WNT7B: variants seen among roughly 807,000 people sequenced by gnomAD.
WNT7B encodes the protein protein Wnt-7b.
In WNT7B, 19 loss-of-function variants were observed where a neutral mutation model predicts 38.2. That is an observed-to-expected ratio of 0.50 (90% confidence interval 0.35 to 0.73). The LOEUF (loss-of-function observed/expected upper bound fraction) is 0.73, where lower values mean the gene tolerates loss of function less well. Ranked by LOEUF, WNT7B falls within the 30% of genes least tolerant of loss-of-function variation. The pLI is 0.01. For synonymous variants in WNT7B, 243 were observed against 209.3 expected, an observed-to-expected ratio of 1.16 and a Z score of -1.39; for missense variants, 423 against 507.9, an observed-to-expected ratio of 0.83 and a Z score of 1.61.
intron 3 of WNT7B, among the ~76,000 whole-genome samples, chr22:45,930,412 G>A (rs187407524): frequency 1.1e-4 from 16 of 152,362 alleles, no homozygotes; most frequent in African/African-American, 2.4e-4. Flanking sequence ...CCGGCTGGGC[G>A]TTCCACTTGG....
At chr22:45,938,275 G>A (rs1175378218) in intron 2 of WNT7B, among the ~76,000 whole-genome samples, 5 of 152,152 alleles carry the variant, frequency 3.3e-5, no homozygotes, top group Non-Finnish European at 7.4e-5. Context: ...AGTTATTGAG[G>A]TAGAGAGTGG....
At chr22:45,956,502 T>C (rs1283056803) in intron 1 of WNT7B, among the ~76,000 whole-genome samples, 1 of 152,146 alleles carries the variant, frequency 6.6e-6, no homozygotes, top group Non-Finnish European at 1.5e-5. Flanking sequence ...GGTATCCGCG[T>C]CAGCCACTGC....
At chr22:45,972,222 G>A (rs1271791591) in intron 1 of WNT7B, 5 of 649,858 alleles carry the variant, frequency 7.7e-6, no homozygotes, top group Admixed American at 2.4e-5. Context: ...GCGCTGCGCG[G>A]CGACAGTAGA....
chr22:45,928,514 A>C (rs1931168534), intron 3 of WNT7B, among the ~76,000 whole-genome samples: 1 of 150,424 alleles, frequency 6.6e-6, no homozygotes, highest in Non-Finnish European at 1.5e-5. Context: ...CATCCGAGAC[A>C]AGGCTGGTAG....
intron 1 of WNT7B, chr22:45,972,234 G>A (rs1932461842): frequency 1.6e-6 from 1 of 644,104 alleles, no homozygotes; most frequent in African/African-American, 1.9e-5. Context: ...GACAGTAGAA[G>A]CATGGTGGGC....
chr22:45,961,128 G>A (rs1229505894), intron 1 of WNT7B, among the ~76,000 whole-genome samples: 3 of 152,244 alleles, frequency 2.0e-5, no homozygotes, highest in Non-Finnish European at 4.4e-5. Flanking sequence ...TGGAAGGGAC[G>A]CATTGCAGCC....
At chr22:45,947,397 T>C (rs745887249) in intron 2 of WNT7B, among the ~76,000 whole-genome samples, 24 of 152,212 alleles carry the variant, frequency 1.6e-4, no homozygotes, top group Non-Finnish European at 3.4e-4. Context: ...GCTGCAGCCA[T>C]AGGGCAGAGC....
At chr22:45,948,142 C>G (rs1284366654) in intron 2 of WNT7B, among the ~76,000 whole-genome samples, 2 of 152,254 alleles carry the variant, frequency 1.3e-5, no homozygotes, top group Non-Finnish European at 2.9e-5. Context: ...TCCACCACAA[C>G]TCCCCGGGGG....
intron 1 of WNT7B, among the ~76,000 whole-genome samples, chr22:45,955,677 G>T (rs1210410147): frequency 6.6e-6 from 1 of 152,198 alleles, no homozygotes; most frequent in Admixed American, 6.5e-5. Context: ...ACTGAATGGG[G>T]CCTCGGGACA....
chr22:45,935,150 G>T (rs916519123), intron 2 of WNT7B, among the ~76,000 whole-genome samples: 1 of 152,084 alleles, frequency 6.6e-6, no homozygotes, highest in African/African-American at 2.4e-5. Context: ...TTGCCAGTCC[G>T]CCCACACGCC....
At chr22:45,954,235 G>T (rs1932007994) in intron 1 of WNT7B, among the ~76,000 whole-genome samples, 1 of 152,152 alleles carries the variant, frequency 6.6e-6, no homozygotes, top group South Asian at 2.1e-4. Flanking sequence ...AAGTAGAAAG[G>T]TGATTGCCAG....
rs768081658 is a variant in WNT7B, at chr22:45,949,976, C to T, written c.242G>A (p.Arg81His). Residue 81 changes from arginine to histidine, a missense_variant, in exon 2 of 4, where the codon CGC becomes CAC. By Grantham distance (29) the Arg-to-His change is conservative. Transcript: ENST00000339464. Reference protein sequence around the residue: ...NECQYQFRFGRWNCSALGEKT... With the variant: ...NECQYQFRFGHWNCSALGEKT... ...CTCGCCGAGGGCAGAGCAGTTCCAG[C>T]GTCCGAAGCGGAACTGGTACTGGCA... 5.6e-6 allele frequency: 9 copies of T among 1,613,748 alleles called. No individual in the cohort carries two copies. The highest frequency in any genetic ancestry group is 4.5e-5 in the East Asian group (2 of 44,888).
At chr22:45,962,073 A>G (rs897025729) in intron 1 of WNT7B, among the ~76,000 whole-genome samples, 3 of 69,448 alleles carry the variant, frequency 4.3e-5, no homozygotes, top group African/African-American at 1.6e-4. Context: ...CTGCCCTCCC[A>G]CCCTCCCCAC....
chr22:45,976,633 C>T lies in WNT7B; in HGVS notation c.71+51G>A, dbSNP rs1370206431. 1.9e-6 allele frequency: 3 copies of T among 1,581,108 alleles called. No individual in the cohort carries two copies. The highest frequency in any genetic ancestry group is 2.6e-6 in the Non-Finnish European group (3 of 1,161,462). ...CACGGGGACGCCCCGGAGGCAGCTC[C>T]TTCGTGCTGTCTTGGCCCCTGGCTG... On this transcript the variant is annotated intron_variant, in intron 1 of 3. Coordinates refer to ENST00000339464, the MANE Select transcript of WNT7B (RefSeq NM_058238.3). The surrounding 1 kb of genome is among the most constrained non-coding windows in gnomAD (Gnocchi z 8.5).
intron 2 of WNT7B, among the ~76,000 whole-genome samples, chr22:45,946,583 T>C (rs1931801990): frequency 6.6e-6 from 1 of 151,860 alleles, no homozygotes; most frequent in African/African-American, 2.4e-5. Flanking sequence ...TCTCGACACA[T>C]GAGGAATAGG....
At chr22:45,930,384 C>G (rs754934718) in intron 3 of WNT7B, among the ~76,000 whole-genome samples, 4 of 152,232 alleles carry the variant, frequency 2.6e-5, no homozygotes, top group Admixed American at 2.6e-4. Flanking sequence ...GTGCAGCCCC[C>G]AGGCCTCGGA....
chr22:45,932,511 G>A (rs368307172), intron 2 of WNT7B, among the ~76,000 whole-genome samples: 26 of 152,146 alleles, frequency 1.7e-4, no homozygotes, highest in African/African-American at 6.0e-4. Flanking sequence ...CCCTACCAGC[G>A]GGGACTTCCA....
intron 3 of WNT7B, among the ~76,000 whole-genome samples, chr22:45,928,913 C>T (rs949140762): frequency 6.6e-6 from 1 of 152,040 alleles, no homozygotes; most frequent in Non-Finnish European, 1.5e-5. Flanking sequence ...GTGCTATTCC[C>T]TCTGCCTGGA....
At chr22:45,938,043 A>G (rs922841248) in intron 2 of WNT7B, among the ~76,000 whole-genome samples, 2 of 152,178 alleles carry the variant, frequency 1.3e-5, no homozygotes, top group Non-Finnish European at 2.9e-5. Flanking sequence ...ACTCAATAAT[A>G]AAATGGTTAA....
Sources: allele counts gnomAD v4.1 joint callset (sites outside exome capture counted in the v4.1 genomes callset), GRCh38; gene constraint gnomAD v4.1.1; non-coding constraint Gnocchi (gnomAD v3.1); transcripts MANE v1.5; gene names NCBI Gene and HGNC (gene_info 2026-07-23, HGNC 2026-07-21).